The following NRG1 variants were observed in gnomAD, a reference collection of about 807,000 sequenced individuals.
The protein encoded by NRG1 is neuregulin 1.
In NRG1, 18 loss-of-function variants were observed where a neutral mutation model predicts 63.8. The ratio of observed to expected loss-of-function variants is 0.28; its 90% confidence interval spans 0.19 to 0.42. The LOEUF (loss-of-function observed/expected upper bound fraction) is 0.42, where lower values mean the gene tolerates loss of function less well. Among genes scored for constraint, NRG1 ranks in the 10% least tolerant of loss-of-function variants. The probability of loss-of-function intolerance (pLI) is 1.00; values close to 1 mark genes in which losing one functional copy is unlikely to be tolerated. For synonymous variants in NRG1, 302 were observed against 301.3 expected (o/e 1.00, Z -0.02); for missense variants, 762 against 814.7 (o/e 0.94, Z 0.79).
chr8:32,317,630 G>T (rs1298235766), intron 1 of NRG1, among the ~76,000 whole-genome samples: 1 of 152,128 alleles, frequency 6.6e-6, no homozygotes, highest in Non-Finnish European at 1.5e-5. Flanking sequence ...ATGAGGGTTA[G>T]AAATTGCAAG....
exon 1 of NRG1, chr8:31,639,302 C>T: frequency 6.8e-7 from 1 of 1,471,544 alleles, no homozygotes; most frequent in Admixed American, 2.0e-5. Flanking sequence ...CCTCCCATTG[C>T]AGCACTCGGG....
chr8:32,040,674 C>T (rs1453045988), intron 1 of NRG1, among the ~76,000 whole-genome samples: 2 of 129,876 alleles, frequency 1.5e-5, no homozygotes, highest in Non-Finnish European at 3.2e-5. Context: ...TATGTATATA[C>T]ACACACACAT....
intron 5 of NRG1, among the ~76,000 whole-genome samples, chr8:32,651,860 T>C (rs1380919977): frequency 2.6e-5 from 4 of 152,166 alleles, no homozygotes; most frequent in Non-Finnish European, 4.4e-5. Flanking sequence ...GAACAGTGAT[T>C]TTAAATAACT....
intron 1 of NRG1, among the ~76,000 whole-genome samples, chr8:32,243,793 G>A (rs1341154583): frequency 1.3e-5 from 2 of 152,060 alleles, no homozygotes; most frequent in Non-Finnish European, 2.9e-5. Flanking sequence ...AAGTGCTTGT[G>A]TTGGAATTAG....
At chr8:32,721,477 T>C (rs1820618417) in intron 5 of NRG1, among the ~76,000 whole-genome samples, 1 of 152,132 alleles carries the variant, frequency 6.6e-6, no homozygotes, top group African/African-American at 2.4e-5. Context: ...CTTTAGAAAG[T>C]CCTAGTTCCA....
intron 1 of NRG1, among the ~76,000 whole-genome samples, chr8:32,487,278 T>G (rs1240858771): frequency 6.6e-6 from 1 of 152,132 alleles, no homozygotes; most frequent in Non-Finnish European, 1.5e-5. Context: ...CAATACTGTC[T>G]CAAATGTGCC....
intron 1 of NRG1, among the ~76,000 whole-genome samples, chr8:31,748,077 C>T (rs1440621829): frequency 6.6e-6 from 1 of 151,848 alleles, no homozygotes; most frequent in Non-Finnish European, 1.5e-5. Flanking sequence ...TAAAATATAA[C>T]CTTTCTTCTA....
chr8:31,925,055 G>T (rs1436475880), intron 1 of NRG1, among the ~76,000 whole-genome samples: 2 of 150,106 alleles, frequency 1.3e-5, no homozygotes, highest in East Asian at 3.9e-4. Context: ...GCCCTGGGAA[G>T]TAACATGCAT....
chr8:32,342,807 G>A (rs190119840), intron 1 of NRG1, among the ~76,000 whole-genome samples: 47 of 152,152 alleles, frequency 3.1e-4, no homozygotes, highest in South Asian at 2.7e-3. Flanking sequence ...ATTTACTGGC[G>A]TGCACCATTT....
At chr8:32,198,622 G>A (rs1021716142) in intron 1 of NRG1, among the ~76,000 whole-genome samples, 1 of 152,194 alleles carries the variant, frequency 6.6e-6, no homozygotes, top group Non-Finnish European at 1.5e-5. Context: ...AAGGATAGGA[G>A]GAACCATTTA....
At chr8:32,423,165 A>G (rs1351087408) in intron 1 of NRG1, among the ~76,000 whole-genome samples, 1 of 152,226 alleles carries the variant, frequency 6.6e-6, no homozygotes, top group Admixed American at 6.5e-5. Flanking sequence ...ACTGGAAAGT[A>G]TCAATCCCTT....
At chr8:31,946,747 TG>T (rs1474674254) in intron 1 of NRG1, among the ~76,000 whole-genome samples, 1 of 152,190 alleles carries the variant, frequency 6.6e-6, no homozygotes, top group Non-Finnish European at 1.5e-5. Flanking sequence ...GAGCACAGGC[TG>T]CATCTAAGGA....
intron 1 of NRG1, among the ~76,000 whole-genome samples, chr8:32,207,355 G>A (rs992053916): frequency 6.6e-6 from 1 of 152,046 alleles, no homozygotes; most frequent in African/African-American, 2.4e-5. Flanking sequence ...GGGCAGAAAT[G>A]ACCATTACTT....
At chr8:31,720,280 T>A (rs62506924) in intron 1 of NRG1, among the ~76,000 whole-genome samples, 31,220 of 152,110 alleles carry the variant, frequency 0.21, 3,663 homozygotes, top group Non-Finnish European at 0.26. Flanking sequence ...ATATACATTT[T>A]TGAGTAGATA....
chr8:32,678,374 T>C (rs1807731666), intron 5 of NRG1, among the ~76,000 whole-genome samples: 1 of 152,162 alleles, frequency 6.6e-6, no homozygotes, highest in Non-Finnish European at 1.5e-5. Flanking sequence ...AAATGTCATC[T>C]GTGATCTAAG....
At chr8:32,269,098 C>G (rs983213994) in intron 1 of NRG1, among the ~76,000 whole-genome samples, 4 of 152,094 alleles carry the variant, frequency 2.6e-5, no homozygotes, top group African/African-American at 9.7e-5. Context: ...CTCCTTCCCT[C>G]CCTTCTTTCC....
intron 1 of NRG1, among the ~76,000 whole-genome samples, chr8:31,663,502 A>G (rs1800620259): frequency 6.6e-6 from 1 of 152,090 alleles, no homozygotes; most frequent in African/African-American, 2.4e-5. Context: ...ATGAGGGTGT[A>G]TGTGTGTCTT....
chr8:32,199,198 T>C (rs1268972296), intron 1 of NRG1, among the ~76,000 whole-genome samples: 1 of 152,190 alleles, frequency 6.6e-6, no homozygotes, highest in Non-Finnish European at 1.5e-5. Flanking sequence ...ATTTTGTTTT[T>C]CATGGCCACA....
At chr8:32,168,183 C>A (rs1231031663) in intron 1 of NRG1, among the ~76,000 whole-genome samples, 1 of 152,018 alleles carries the variant, frequency 6.6e-6, no homozygotes, top group African/African-American at 2.4e-5. Context: ...CAAATGGAAA[C>A]AATAATAACT....
Sources: allele counts gnomAD v4.1 joint callset (sites outside exome capture counted in the v4.1 genomes callset), GRCh38; gene constraint gnomAD v4.1.1; transcripts MANE v1.5; gene names NCBI Gene and HGNC (gene_info 2026-07-23, HGNC 2026-07-21).